P2RY10: variants seen among roughly 807,000 people sequenced by gnomAD.
P2RY10 encodes putative P2Y purinoceptor 10.
Under a neutral mutation model 12.1 loss-of-function variants are expected in P2RY10, and 4 were observed. The ratio of observed to expected loss-of-function variants is 0.33; its 90% CI spans 0.16 to 0.76. The LOEUF (loss-of-function observed/expected upper bound fraction) is 0.76, where lower values mean the gene tolerates loss of function less well. Among genes scored for constraint, P2RY10 ranks in the 30% least tolerant of loss-of-function variants. P2RY10 has a pLI of 0.61. For missense variants in P2RY10, 233 were observed against 264.6 expected (o/e 0.88, Z 0.83); for synonymous variants, 112 against 94.1 (o/e 1.19, Z -1.10).
intron 3 of P2RY10, among the ~76,000 whole-genome samples, chrX:78,957,822 C>G (rs940160039): frequency 1.8e-5 from 2 of 112,334 alleles, no homozygotes; most frequent in Non-Finnish European, 3.8e-5. Flanking sequence ...CTCTAGCTTG[C>G]TGTTCTGGCA....
intron 3 of P2RY10, among the ~76,000 whole-genome samples, chrX:78,953,553 A>G (rs1922202608): frequency 8.9e-6 from 1 of 112,536 alleles, no homozygotes; most frequent in African/African-American, 3.2e-5. Flanking sequence ...CCTTTTTTAT[A>G]TCATTTCATG....
Position 78,960,577 on chromosome X carries a change from C to A in P2RY10, c.57C>A (p.Ser19Arg), listed in dbSNP as rs1476064054. ...ETFKMGSNST[S>R]TAEIYCNVTN... ...TCAAGATGGGTAGCAACAGTACCAG[C>A]ACTGCTGAGATTTACTGTAATGTCA... The change falls in exon 4 of 4, where the codon AGC becomes AGA. Residue 19 changes from serine (S) to arginine (R), a missense_variant. Ser to Arg is a moderately radical substitution (Grantham distance 110). Coordinates refer to ENST00000171757, the MANE Select transcript of P2RY10 (RefSeq NM_014499.4). 3.3e-6 allele frequency: 4 copies of A among 1,206,703 alleles called. No homozygotes were observed. The highest frequency in any genetic ancestry group is 3.0e-5 in the East Asian group (1 of 33,805).
At chrX:78,956,889 T>C (rs1922358060) in intron 3 of P2RY10, among the ~76,000 whole-genome samples, 1 of 111,542 alleles carries the variant, frequency 9.0e-6, no homozygotes, top group Admixed American at 9.5e-5. Flanking sequence ...AAATAAGTGG[T>C]AGCCATACTT....
intron 3 of P2RY10, among the ~76,000 whole-genome samples, chrX:78,958,470 C>G (rs148706925): frequency 0.011 from 1,181 of 112,146 alleles, 19 homozygotes; most frequent in African/African-American, 0.037. Context: ...AAATACCACA[C>G]GCTTCAGAGC....
rs116188119 is a variant in P2RY10 at position 78,958,207 on chromosome X, A to G, written c.-13-2301A>G. Among the ~76,000 whole-genome samples the G allele has an allele frequency of 3.1e-3, 355 of 112,747 alleles. 2 individuals carry two copies. Among genetic ancestry groups the G allele is most frequent in the African/African-American group, 0.011 (338 of 31,118 alleles). On this transcript the variant is annotated intron_variant, in intron 3 of 3. Coordinates refer to ENST00000171757, the MANE Select transcript of P2RY10 (RefSeq NM_014499.4). Reference sequence around the variant, plus strand: ...TATAAGTTCCTACTATGGGATTAGAATGGTTCTGCCACAATGTGCTCTTCA... The same window carrying G: ...TATAAGTTCCTACTATGGGATTAGAGTGGTTCTGCCACAATGTGCTCTTCA...
intron 3 of P2RY10, among the ~76,000 whole-genome samples, chrX:78,959,057 A>C (rs867030134): frequency 1.4e-4 from 15 of 103,757 alleles, no homozygotes; most frequent in African/African-American, 4.5e-4. Context: ...AAAAAAAAAA[A>C]CAATAAACAA....
chrX:78,954,074 T>A (rs1922226306), intron 3 of P2RY10, among the ~76,000 whole-genome samples: 2 of 110,883 alleles, frequency 1.8e-5, no homozygotes, highest in African/African-American at 6.6e-5. Context: ...GGTTTCACCA[T>A]GTTACCGAGG....
At chrX:78,956,947 C>G (rs947120385) in intron 3 of P2RY10, among the ~76,000 whole-genome samples, 1 of 111,212 alleles carries the variant, frequency 9.0e-6, no homozygotes, top group Non-Finnish European at 1.9e-5. Context: ...AGGGGAAGGA[C>G]TGGAATGTAA....
At position 78,960,534 on chromosome X, in the gene P2RY10, A is replaced by G. The variant is rs372539972; in HGVS notation, c.14A>G (p.Asp5Gly). 15 of 1,205,738 alleles carry G rather than the reference A, an allele frequency of 1.2e-5. No homozygotes were observed. Among genetic ancestry groups the G allele is most frequent in the Non-Finnish European group, 1.7e-5 (15 of 892,403 alleles). ...AACCATAAATCCATGGCTAACCTTG[A>G]CAAATACACTGAAACATTCAAGATG... is the stretch of plus-strand genomic sequence containing the variant. MANL[D>G]KYTETFKMGS... Residue 5 changes from aspartate (D) to glycine (G), a missense_variant, in exon 4 of 4, where the codon GAC becomes GGC. Transcript: ENST00000171757.
intron 3 of P2RY10, among the ~76,000 whole-genome samples, chrX:78,958,550 T>G (rs1462316038): frequency 8.9e-6 from 1 of 112,505 alleles, no homozygotes; most frequent in East Asian, 2.8e-4. Flanking sequence ...ATTTACTGAA[T>G]GCCTCTGAAG....
chrX:78,957,980 A>G (rs1922428667), intron 3 of P2RY10, among the ~76,000 whole-genome samples: 1 of 112,179 alleles, frequency 8.9e-6, no homozygotes. Context: ...TAAGGTTATG[A>G]ACAATTCTTA....
At chrX:78,952,141 T>G in intron 2 of P2RY10, 52 bp from the exon 3 acceptor site, 1 of 619,911 alleles carries the variant, frequency 1.6e-6, no homozygotes, top group Non-Finnish European at 1.9e-6. Context: ...ACTTTGTAAG[T>G]GAATCCTGTT....
rs1159318849 is a variant in P2RY10 at position 78,962,103 on chromosome X, C to T, written c.*563C>T. Reference sequence around the variant, plus strand: ...CATTCCTTGAAAATGTGTTGAGTGCCTATTGTGTTCTTGGTTGTCACTTTG... The same window carrying T: ...CATTCCTTGAAAATGTGTTGAGTGCTTATTGTGTTCTTGGTTGTCACTTTG... On this transcript the variant is annotated 3_prime_UTR_variant, in exon 4 of 4. Transcript: ENST00000171757. 8.9e-6 allele frequency: 1 copy of T among 111,884 alleles called. No homozygotes were observed. The highest frequency in any genetic ancestry group is 1.9e-5 in the Non-Finnish European group (1 of 53,065). 9.2% of individuals were successfully genotyped at this position (111,884 alleles called of 1,213,427 possible). A position where few individuals can be genotyped will look rare whatever the true frequency, so the allele number is the denominator to read the frequency against.
At chrX:78,955,340 T>A (rs1001245718) in intron 3 of P2RY10, among the ~76,000 whole-genome samples, 1 of 111,694 alleles carries the variant, frequency 9.0e-6, no homozygotes, top group African/African-American at 3.3e-5. Context: ...TAACATGAGA[T>A]AAGGAATTAC....
At position 78,948,083 on chromosome X, in the gene P2RY10, C is replaced by G. The variant is rs1271563591; in HGVS notation, c.-157+220C>G. ...ACTTGTAGAAAAATCTGCTCCATCACATTGACATTTTCCAAGTACTAAGTG... is the reference window on the plus strand; with the variant it reads ...ACTTGTAGAAAAATCTGCTCCATCAGATTGACATTTTCCAAGTACTAAGTG... On this transcript the variant is annotated intron_variant, in intron 2 of 3. Coordinates refer to ENST00000171757, the MANE Select transcript of P2RY10 (RefSeq NM_014499.4). 3.6e-5 allele frequency among the ~76,000 whole-genome samples: 4 copies of G among 112,103 alleles called. No homozygotes were observed. The East Asian group carries it at 1.1e-3, about 31-fold the overall frequency.
intron 3 of P2RY10, among the ~76,000 whole-genome samples, chrX:78,956,589 A>C (rs769071236): frequency 9.0e-6 from 1 of 110,945 alleles, no homozygotes; most frequent in African/African-American, 3.3e-5. Flanking sequence ...AATTAAAAAA[A>C]AAAACCCTAA....
At chrX:78,947,547 T>C (rs1921901818) in intron 1 of P2RY10, among the ~76,000 whole-genome samples, 1 of 112,050 alleles carries the variant, frequency 8.9e-6, no homozygotes, top group Non-Finnish European at 1.9e-5. Context: ...GGTGTGGCCT[T>C]CGGTGAGTTA....
In P2RY10 at chrX:78,961,119, C is replaced by A; in HGVS notation, c.599C>A (p.Thr200Lys). The change falls in exon 4 of 4, where the codon ACA (threonine) becomes AAA (lysine). Residue 200 changes from threonine to lysine, a missense_variant. Transcript: ENST00000171757. ...MNAVALVGMI[T>K]VAELAGFVIP... Reference sequence around the variant, plus strand: ...GCAGTTGCGTTGGTCGGGATGATTACAGTTGCTGAGCTTGCAGGATTTGTG... The same window carrying A: ...GCAGTTGCGTTGGTCGGGATGATTAAAGTTGCTGAGCTTGCAGGATTTGTG... The A allele has an allele frequency of 8.3e-7, 1 of 1,211,165 alleles. No individual in the cohort carries two copies. Among genetic ancestry groups the A allele is most frequent in the African/African-American group, 1.7e-5 (1 of 57,694 alleles).
intron 3 of P2RY10, among the ~76,000 whole-genome samples, chrX:78,960,298 G>T (rs778738625): frequency 8.9e-6 from 1 of 111,866 alleles, no homozygotes; most frequent in African/African-American, 3.3e-5. Context: ...GGAGGGTGCA[G>T]TTGTGGGACA....
Sources: allele counts gnomAD v4.1 joint callset (sites outside exome capture counted in the v4.1 genomes callset), GRCh38; gene constraint gnomAD v4.1.1; transcripts MANE v1.5; gene names NCBI Gene and HGNC (gene_info 2026-07-23, HGNC 2026-07-21).